The following LSS variants were observed in gnomAD, a reference collection of about 807,000 sequenced individuals.
LSS encodes 2,3-epoxysqualene-lanosterol cyclase.
In LSS, 90 loss-of-function variants were observed where a neutral mutation model predicts 110.3. The ratio of observed to expected loss-of-function variants is 0.82; its 90% CI spans 0.69 to 0.97. The LOEUF (loss-of-function observed/expected upper bound fraction) is 0.97. Among genes scored for constraint, LSS ranks in the 50% least tolerant of loss-of-function variants. The pLI is 0.00. For synonymous variants in LSS, 433 were observed against 400.0 expected (o/e 1.08, Z -0.98); for missense variants, 927 against 990.0 (o/e 0.94, Z 0.85).
In LSS at chr21:46,190,732, C is replaced by T; in HGVS notation, c.*372G>A. The T allele has an allele frequency of 4.3e-6, 1 of 233,208 alleles. No individual in the cohort carries two copies. Among genetic ancestry groups the T allele is most frequent in the Admixed American group, 5.0e-5 (1 of 20,036 alleles). The allele number at this position is 233,208 out of a possible 1,614,324, so 14.4% of individuals were successfully genotyped here. On this transcript the variant is annotated 3_prime_UTR_variant, in exon 22 of 22. Transcript: ENST00000397728. The surrounding 1 kb of genome is among the most constrained non-coding windows in gnomAD (Gnocchi z 4.6). ...GCCCACTCGACACTAAGGAATCACA[C>T]AGGCACAGCTGCTCCTCTCCCAAGA...
chr21:46,225,466 G>C, intron 3 of LSS: 1 of 447,840 alleles, frequency 2.2e-6, no homozygotes, highest in Non-Finnish European at 4.5e-6. Context: ...CCCTTTCCCC[G>C]GGGGAGTTTA....
intron 21 of LSS, among the ~76,000 whole-genome samples, chr21:46,191,680 G>A (rs889009722): frequency 2.0e-5 from 3 of 152,188 alleles, no homozygotes; most frequent in African/African-American, 4.8e-5. Context: ...AGCATCACTT[G>A]AAACAACAGC....
At chr21:46,199,535 C>G (rs2079952486) in intron 17 of LSS, among the ~76,000 whole-genome samples, 1 of 152,214 alleles carries the variant, frequency 6.6e-6, no homozygotes, top group African/African-American at 2.4e-5. Flanking sequence ...GAGCTGAAAA[C>G]TTATGTGCAC....
intron 6 of LSS, among the ~76,000 whole-genome samples, chr21:46,217,150 G>A (rs535999868): frequency 1.3e-5 from 2 of 151,602 alleles, no homozygotes; most frequent in East Asian, 2.0e-4. Context: ...GGGAGGCTGA[G>A]GCAGGAGAAT....
Position 46,210,948 on chromosome 21 carries a change from G to GTCA in LSS, c.1138-205_1138-204insTGA, listed in dbSNP as rs556701914. ...TGAGCCCTGCAGGCAGACACACGTC[G>GTCA]GGGAGACTCAGGGAGCCCTCCCTTT... On this transcript the variant is annotated intron_variant, in intron 11 of 21. Transcript: ENST00000397728. Among the ~76,000 whole-genome samples the GTCA allele has an allele frequency of 4.5e-3, 681 of 152,068 alleles. 14 individuals carry two copies. Among genetic ancestry groups the GTCA allele is most frequent in the East Asian group, 1.7e-3 (9 of 5,168 alleles).
At chr21:46,213,911 C>T (rs2080167149) in intron 9 of LSS, 76 bp from the exon 10 acceptor site, 4 of 1,002,782 alleles carry the variant, frequency 4.0e-6, no homozygotes, top group East Asian at 5.1e-5. Flanking sequence ...TCGTCCAGAT[C>T]CACAGCAGCC....
intron 20 of LSS, chr21:46,192,398 C>T: frequency 2.3e-6 from 1 of 426,568 alleles, no homozygotes; most frequent in Non-Finnish European, 4.7e-6. Flanking sequence ...CAGGGGTCCC[C>T]CAGACCCTGC....
intron 14 of LSS, among the ~76,000 whole-genome samples, chr21:46,207,870 C>CA (rs762824421): frequency 5.9e-5 from 9 of 152,246 alleles, no homozygotes; most frequent in Non-Finnish European, 1.3e-4. Flanking sequence ...CAGGCAGCAG[C>CA]AGCTGGGTCC....
intron 17 of LSS, among the ~76,000 whole-genome samples, chr21:46,200,074 A>C (rs1415597263): frequency 2.0e-5 from 3 of 152,218 alleles, no homozygotes; most frequent in Admixed American, 1.3e-4. Context: ...AATTTTCTGT[A>C]AATTTAAAGC....
In LSS at chr21:46,221,978, AC is replaced by A. The variant is rs2080285381; in HGVS notation, c.429-4del. 6.2e-6 allele frequency: 10 copies of A among 1,614,196 alleles called. No individual in the cohort carries two copies. The highest frequency in any genetic ancestry group is 1.6e-4 in the Middle Eastern group (1 of 6,062). On this transcript the variant is annotated splice_polypyrimidine_tract_variant and splice_region_variant and intron_variant, in intron 4 of 21. Transcript: ENST00000397728. ...CGGTGGACTTATCCTCAATGTGCCT[AC>A]AGGAGCAGAGGACAGGTGAGAAACC...
At position 46,215,185 on chromosome 21, in the gene LSS, C is replaced by A. The variant is rs1351568036; in HGVS notation, c.1006G>T (p.Gly336Cys). 1 of 1,609,508 alleles carries A rather than the reference C, an allele frequency of 6.2e-7. No individual in the cohort carries two copies. Among genetic ancestry groups the A allele is most frequent in the Admixed American group, 1.7e-5 (1 of 59,984 alleles). The change falls in exon 9 of 22, where the codon GGC becomes TGC. Residue 336 changes from glycine (G) to cysteine (C), a missense_variant. Physicochemically the swap from Gly to Cys is radical, Grantham distance 159. Coordinates refer to ENST00000397728, the MANE Select transcript of LSS (RefSeq NM_002340.6). ...DDRFTKSISI[G>C]PISKTINMLV... is the part of the protein sequence containing the mutation. ...GGCCGGGCAGGGGCACTGACCGGGCCGATGCTGATGCTCTTGGTGAATCGG... is the reference window on the plus strand; with the variant it reads ...GGCCGGGCAGGGGCACTGACCGGGCAGATGCTGATGCTCTTGGTGAATCGG...
chr21:46,219,597 C>T (rs368251963), intron 5 of LSS, 25 bp from the exon 6 acceptor site: 42 of 1,445,586 alleles, frequency 2.9e-5, no homozygotes, highest in Admixed American at 1.0e-4. Context: ...AATAGGCCCA[C>T]GTCATCTGCT....
At chr21:46,222,051 G>A in intron 4 of LSS, 76 bp from the exon 5 acceptor site, 2 of 1,550,128 alleles carry the variant, frequency 1.3e-6, no homozygotes, top group Non-Finnish European at 1.8e-6. Flanking sequence ...TTTCTGTGGA[G>A]TTTCCTCAGA....
intron 15 of LSS, 55 bp from the exon 16 acceptor site, chr21:46,206,823 G>A (rs555492945): frequency 1.3e-5 from 17 of 1,334,326 alleles, no homozygotes; most frequent in African/African-American, 5.7e-5. Context: ...ACACACAGGC[G>A]CCCAGGGCAC....
Position 46,209,628 on chromosome 21 carries a change from G to C in LSS, c.1195-3C>G, listed in dbSNP as rs1382094554. The stretch of plus-strand genomic sequence containing the variant: ...TCGGGCCTGTGGTGCCCGCCCGCCT[G>C]GAAGAGACAGCAGGACAGAGAGGCT... On this transcript the variant is annotated splice_region_variant and splice_polypyrimidine_tract_variant and intron_variant, in intron 12 of 21. Transcript: ENST00000397728. The surrounding 1 kb of genome is among the most constrained non-coding windows in gnomAD (Gnocchi z 4.4). 1 of 1,607,062 alleles carries C rather than the reference G, an allele frequency of 6.2e-7. No homozygotes were observed. Among genetic ancestry groups the C allele is most frequent in the South Asian group, 1.1e-5 (1 of 89,258 alleles).
rs2080119155 is a variant in LSS at position 46,210,758 on chromosome 21, A to T, written c.1138-14T>A. 6.2e-7 allele frequency: 1 copy of T among 1,613,282 alleles called. No homozygotes were observed. Among genetic ancestry groups the T allele is most frequent in the Non-Finnish European group, 8.5e-7 (1 of 1,179,596 alleles). On this transcript the variant is annotated splice_polypyrimidine_tract_variant and intron_variant, in intron 11 of 21. Transcript: ENST00000397728. ...GCCGTTGGTGCCCTACACACAAAGG[A>T]TGGTGTTACAGCAGCAGATGCAGCC... is the stretch of plus-strand genomic sequence containing the variant.
intron 17 of LSS, among the ~76,000 whole-genome samples, chr21:46,205,360 C>T (rs552153409): frequency 9.1e-4 from 139 of 152,312 alleles, no homozygotes; most frequent in African/African-American, 3.1e-3. Flanking sequence ...AGACAAGATC[C>T]AAAGCGAGCA....
At chr21:46,206,260 C>T (rs562068925) in intron 16 of LSS, among the ~76,000 whole-genome samples, 5 of 152,226 alleles carry the variant, frequency 3.3e-5, no homozygotes, top group Non-Finnish European at 4.4e-5. Flanking sequence ...AAGACCAGTA[C>T]GGTGGCAACC....
At chr21:46,213,926 G>C in intron 9 of LSS, 91 bp from the exon 10 acceptor site, 3 of 874,830 alleles carry the variant, frequency 3.4e-6, no homozygotes, top group Admixed American at 4.0e-5. Flanking sequence ...GCAGCCCCCA[G>C]GCATAAAGTG....
Sources: allele counts gnomAD v4.1 joint callset (sites outside exome capture counted in the v4.1 genomes callset), GRCh38; gene constraint gnomAD v4.1.1; non-coding constraint Gnocchi (gnomAD v3.1); transcripts MANE v1.5; gene names NCBI Gene and HGNC (gene_info 2026-07-23, HGNC 2026-07-21).